MEGF11: variants seen among roughly 807,000 people sequenced by gnomAD.
The protein encoded by MEGF11 is multiple epidermal growth factor-like domains protein 11.
MEGF11 carries 126 observed loss-of-function variants against 146.6 expected under a neutral mutation model. The ratio of observed to expected loss-of-function variants is 0.86; its 90% CI spans 0.74 to 1.00. MEGF11 has a LOEUF of 1.00. Among genes scored for constraint, MEGF11 ranks in the 50% least tolerant of loss-of-function variants. The probability of loss-of-function intolerance (pLI) is 0.00; values close to 1 mark genes in which losing one functional copy is unlikely to be tolerated. For synonymous variants in MEGF11, 532 were observed against 583.4 expected (o/e 0.91, Z 1.27); for missense variants, 1,509 against 1,521.2 (o/e 0.99, Z 0.13).
At chr15:66,122,789 G>GT (rs1555473369) in intron 3 of MEGF11, among the ~76,000 whole-genome samples, 2 of 151,606 alleles carry the variant, frequency 1.3e-5, no homozygotes, top group Non-Finnish European at 2.9e-5. Flanking sequence ...GTTTTGTTTT[G>GT]TTTTTTTGAG....
chr15:66,204,993 T>C (rs2091263883), intron 1 of MEGF11, among the ~76,000 whole-genome samples: 2 of 151,070 alleles, frequency 1.3e-5, no homozygotes, highest in African/African-American at 4.9e-5. Context: ...TTTTTTTTTT[T>C]TTTTTTGCTC....
At chr15:66,081,461 C>G (rs1272362171) in intron 5 of MEGF11, among the ~76,000 whole-genome samples, 2 of 152,168 alleles carry the variant, frequency 1.3e-5, no homozygotes, top group African/African-American at 2.4e-5. Context: ...TCACTGCAAC[C>G]TCCGCCTCCC....
At position 66,128,356 on chromosome 15, in the gene MEGF11, G is replaced by A; in HGVS notation, c.48C>T (p.Ala16=). ...GGTCCTCGGGGTTCAGGGCAAGGGT[G>A]GCTTGCAGGAAGGAGAAGGCAATGA... ...TGLIAFSFLQ[A]TLALNPEDPN... Residue 16 remains alanine (A), a synonymous_variant, in exon 2 of 26, where the codon GCC becomes GCT. Coordinates refer to ENST00000395614, the MANE Select transcript of MEGF11 (RefSeq NM_001385028.1). 1 of 1,525,790 alleles carries A rather than the reference G, an allele frequency of 6.6e-7. No homozygotes were observed. Among genetic ancestry groups the A allele is most frequent in the Non-Finnish European group, 8.8e-7 (1 of 1,134,944 alleles). 94.5% of individuals were successfully genotyped at this position (1,525,790 alleles called of 1,614,324 possible).
intron 1 of MEGF11, among the ~76,000 whole-genome samples, chr15:66,223,345 T>C (rs1363234303): frequency 6.6e-6 from 1 of 151,104 alleles, no homozygotes; most frequent in Non-Finnish European, 1.5e-5. Flanking sequence ...GGAGGGGAAA[T>C]GGGGAGTGAC....
chr15:65,955,823 A>AATATATATATATATATATATAT lies in MEGF11; in HGVS notation c.1287+1723_1287+1724insATATATATATATATATATATAT, dbSNP rs71139451. On this transcript the variant is annotated intron_variant, in intron 10 of 25. Transcript: ENST00000395614. ...ACACACACACACACACAATACTTTA[A>AATATATATATATATATATATAT]ATATATAACATGTAATCAATATAAC... Among the ~76,000 whole-genome samples, 182 of 40,174 alleles carry AATATATATATATATATATATAT rather than the reference A, an allele frequency of 4.5e-3. 1 individual carries two copies. The highest frequency in any genetic ancestry group is 0.01 in the African/African-American group (105 of 10,094). The allele number at this position is 40,174 out of a possible 152,430, so 26.4% of individuals were successfully genotyped here. A position where few individuals can be genotyped will look rare whatever the true frequency, so the allele number is the denominator to read the frequency against.
rs1409888318 is a variant in MEGF11 at position 66,217,493 on chromosome 15, T to C, written c.-9+36112A>G. Among the ~76,000 whole-genome samples the C allele has an allele frequency of 2.6e-5, 4 of 152,342 alleles. No homozygotes were observed. The East Asian group carries it at 7.7e-4, about 29-fold the overall frequency. ...CAGGTACAGAACTTGTTGTTTGATG[T>C]TAAAAAGACCCTCTGTATCCCCACT... On this transcript the variant is annotated intron_variant, in intron 1 of 25. Transcript: ENST00000395614.
intron 1 of MEGF11, among the ~76,000 whole-genome samples, chr15:66,157,375 G>A (rs956807360): frequency 5.9e-5 from 9 of 152,202 alleles, no homozygotes; most frequent in African/African-American, 1.4e-4. Context: ...GCAAGGGAGT[G>A]CAAGGTCCTG....
At chr15:66,123,799 GACA>G (rs1018279944) in intron 3 of MEGF11, 97 bp downstream of exon 3, 3 of 922,410 alleles carry the variant, frequency 3.3e-6, no homozygotes, top group African/African-American at 1.6e-5. Context: ...GGAGGCGCGT[GACA>G]ACATCTGCTC....
chr15:65,986,999 T>G (rs1302580252), intron 5 of MEGF11, among the ~76,000 whole-genome samples: 1 of 151,468 alleles, frequency 6.6e-6, no homozygotes, highest in African/African-American at 2.4e-5. Flanking sequence ...GAAGGGCACC[T>G]GGAAGTGTGT....
intron 5 of MEGF11, among the ~76,000 whole-genome samples, chr15:66,083,296 A>G (rs1449378317): frequency 7.2e-5 from 11 of 152,210 alleles, no homozygotes; most frequent in Non-Finnish European, 1.6e-4. Context: ...ATAAATCTGT[A>G]TTTGTTTTAA....
chr15:65,982,324 G>T lies in MEGF11; in HGVS notation c.559C>A (p.Leu187Met). 2 of 1,531,536 alleles carry T rather than the reference G, an allele frequency of 1.3e-6. No homozygotes were observed. The allele number at this position is 1,531,536 out of a possible 1,614,324, so 94.9% of individuals were successfully genotyped here. The change falls in exon 6 of 26, where the codon CTG (leucine) becomes ATG (methionine). Residue 187 changes from leucine to methionine, a missense_variant. Transcript: ENST00000395614. The surrounding 1 kb of genome is among the most constrained non-coding windows in gnomAD (Gnocchi z 5.6). Reference protein sequence around the residue: ...APGTHGKGCQLPCQCRHGASC... With the variant: ...APGTHGKGCQMPCQCRHGASC... ...GCACCGTGTCGGCACTGGCACGGCA[G>T]CTGGCATCCCTTGCCGTGGGTGCCA...
chr15:66,095,472 G>C (rs1239492644), intron 4 of MEGF11, among the ~76,000 whole-genome samples: 1 of 152,200 alleles, frequency 6.6e-6, no homozygotes, highest in Admixed American at 6.5e-5. Context: ...GAAAGCAAGA[G>C]ACTTCTCTCT....
chr15:66,171,408 G>C (rs7177298), intron 1 of MEGF11, among the ~76,000 whole-genome samples: 151,229 of 152,256 alleles, frequency 0.99, 75,114 homozygotes, highest in Middle Eastern at 1. Flanking sequence ...GGAGCAGACG[G>C]AGGATGATGA....
At chr15:66,114,112 C>G (rs966579694) in intron 4 of MEGF11, among the ~76,000 whole-genome samples, 5 of 152,296 alleles carry the variant, frequency 3.3e-5, no homozygotes, top group Admixed American at 1.3e-4. Flanking sequence ...CACACAGAAC[C>G]TGTCTCATAT....
intron 5 of MEGF11, among the ~76,000 whole-genome samples, chr15:66,073,719 G>A (rs2085464019): frequency 6.6e-6 from 1 of 152,194 alleles, no homozygotes. Context: ...TGGGTGGGCA[G>A]CCTATTCCCT....
At chr15:66,210,230 A>G (rs2091409886) in intron 1 of MEGF11, among the ~76,000 whole-genome samples, 1 of 152,240 alleles carries the variant, frequency 6.6e-6, no homozygotes, top group Non-Finnish European at 1.5e-5. Context: ...AGTAAAGGGT[A>G]TAATTTCTTC....
In MEGF11 at chr15:65,898,336, C is replaced by T. The variant is rs117274960; in HGVS notation, c.3263-242G>A. 8.1e-6 allele frequency: 8 copies of T among 985,260 alleles called. No individual in the cohort carries two copies. In the East Asian group the frequency reaches 7.9e-4, roughly 98 times the overall value. 61.0% of individuals were successfully genotyped at this position (985,260 alleles called of 1,614,324 possible). A position where few individuals can be genotyped will look rare whatever the true frequency, so the allele number is the denominator to read the frequency against. On this transcript the variant is annotated intron_variant, in intron 25 of 25. Transcript: ENST00000395614. ...AAATATCCTAGAGGTAGGAGTCTTACCAGTGAGCCCAGGGACATAAACTGG... is the reference window on the plus strand; with the variant it reads ...AAATATCCTAGAGGTAGGAGTCTTATCAGTGAGCCCAGGGACATAAACTGG...
At chr15:66,219,709 C>A (rs79311457) in intron 1 of MEGF11, among the ~76,000 whole-genome samples, 12 of 150,900 alleles carry the variant, frequency 8.0e-5, no homozygotes, top group South Asian at 2.1e-4. Flanking sequence ...AAAAACAAAA[C>A]AAAAAAAAAC....
chr15:65,919,090 T>C (rs1326313814), intron 15 of MEGF11, among the ~76,000 whole-genome samples: 1 of 152,218 alleles, frequency 6.6e-6, no homozygotes, highest in African/African-American at 2.4e-5. Flanking sequence ...TGAAACCCTC[T>C]GCTTTATACC....
Sources: allele counts gnomAD v4.1 joint callset (sites outside exome capture counted in the v4.1 genomes callset), GRCh38; gene constraint gnomAD v4.1.1; non-coding constraint Gnocchi (gnomAD v3.1); transcripts MANE v1.5; gene names NCBI Gene and HGNC (gene_info 2026-07-23, HGNC 2026-07-21).